Variants in PDE10A observed in about 807,000 individuals in gnomAD.
PDE10A encodes phosphodiesterase 10A.
PDE10A carries 39 observed loss-of-function variants against 97.7 expected under a neutral mutation model. The observed-to-expected ratio is 0.40, with a 90% confidence interval of 0.31 to 0.52. The LOEUF (loss-of-function observed/expected upper bound fraction) is 0.52, where lower values mean the gene tolerates loss of function less well. Among genes scored for constraint, PDE10A ranks in the 20% least tolerant of loss-of-function variants. PDE10A has a pLI of 0.56. For missense variants in PDE10A, 731 were observed against 1,047.8 expected (o/e 0.70, Z 4.17); for synonymous variants, 371 against 376.8 (o/e 0.98, Z 0.18).
intron 1 of PDE10A, among the ~76,000 whole-genome samples, chr6:165,900,938 C>T (rs1468003756): frequency 3.9e-5 from 6 of 152,148 alleles, no homozygotes; most frequent in Non-Finnish European, 7.4e-5. Flanking sequence ...TGTTTAAAAC[C>T]AGACCTGGGC....
At chr6:165,691,589 GCGCACACACACACACACA>G (rs1283294128) in intron 1 of PDE10A, among the ~76,000 whole-genome samples, 1 of 144,484 alleles carries the variant, frequency 6.9e-6, no homozygotes, top group Non-Finnish European at 1.5e-5. Context: ...ATGCACGCGC[GCGCACACACACACACACA>G]CACACACACA....
At chr6:165,407,916 CCAAT>C (rs1397536742) in intron 13 of PDE10A, among the ~76,000 whole-genome samples, 1 of 152,068 alleles carries the variant, frequency 6.6e-6, no homozygotes, top group African/African-American at 2.4e-5. Flanking sequence ...AGAGATGCTG[CCAAT>C]CAGAGACGTT....
chr6:165,704,233 T>C (rs1791650715), intron 1 of PDE10A, among the ~76,000 whole-genome samples: 1 of 152,058 alleles, frequency 6.6e-6, no homozygotes, highest in Admixed American at 6.6e-5. Context: ...GCTCACACAA[T>C]GGCAGCAGCT....
rs932809870 is a variant in PDE10A, at chr6:165,943,331, A to G, written c.-615+44198T>C. 5.1e-4 allele frequency among the ~76,000 whole-genome samples: 53 copies of G among 103,222 alleles called. 7 individuals are homozygous for G. Among genetic ancestry groups the G allele is most frequent in the African/African-American group, 2.6e-3 (47 of 18,250 alleles). The allele number at this position is 103,222 out of a possible 152,430, so 67.7% of individuals were successfully genotyped here. A position where few individuals can be genotyped will look rare whatever the true frequency, so the allele number is the denominator to read the frequency against. ...AGAAGGAAGGAAGGAAAGAAAGAAA[A>G]AGAAAGAAAGAAAAGAGAAAGAAAG... On this transcript the variant is annotated intron_variant, in intron 1 of 19. Transcript: ENST00000366882.
At chr6:165,473,771 G>T (rs1779144876) in intron 3 of PDE10A, among the ~76,000 whole-genome samples, 1 of 152,188 alleles carries the variant, frequency 6.6e-6, no homozygotes, top group Non-Finnish European at 1.5e-5. Context: ...CTAAAGAAAT[G>T]ATGGCTTTTA....
intron 2 of PDE10A, among the ~76,000 whole-genome samples, chr6:165,520,443 G>A (rs950593238): frequency 3.3e-5 from 5 of 152,100 alleles, no homozygotes; most frequent in African/African-American, 9.7e-5. Context: ...GAACTACTTC[G>A]TGCTTGACAG....
chr6:165,691,104 T>TCC (rs1164864284), intron 1 of PDE10A, among the ~76,000 whole-genome samples: 5 of 30,046 alleles, frequency 1.7e-4, no homozygotes, highest in Non-Finnish European at 3.0e-4. Flanking sequence ...TCTCTTTCTC[T>TCC]CTCCCCCCCC....
At chr6:165,979,198 G>A (rs1784935369) in intron 1 of PDE10A, among the ~76,000 whole-genome samples, 1 of 152,188 alleles carries the variant, frequency 6.6e-6, no homozygotes, top group South Asian at 2.1e-4. Flanking sequence ...GTTGGGAGCT[G>A]GAGCTGGGTA....
intron 1 of PDE10A, among the ~76,000 whole-genome samples, chr6:165,581,110 A>C (rs1175122926): frequency 1.3e-5 from 2 of 152,246 alleles, no homozygotes; most frequent in Non-Finnish European, 2.9e-5. Context: ...AGAGGTAAGA[A>C]AACCTGTCAA....
intron 1 of PDE10A, among the ~76,000 whole-genome samples, chr6:165,610,020 T>C (rs187718482): frequency 1.5e-3 from 231 of 152,296 alleles, no homozygotes; most frequent in African/African-American, 5.2e-3. Flanking sequence ...TTAAAGTTCA[T>C]ATGGAACCAA....
rs79952942 is a variant in PDE10A, at chr6:165,634,591, C to T, written c.865+27356G>A. ...CTGAAATGAAAAAGAAGAAAGCAAA[C>T]AAGAGGTAGGGAAGTAAAACAGAAG... On this transcript the variant is annotated intron_variant, in intron 1 of 21. Coordinates refer to ENST00000539869, the MANE Select transcript of PDE10A (RefSeq NM_001385079.1). Among the ~76,000 whole-genome samples, 1,202 of 151,992 alleles carry T rather than the reference C, an allele frequency of 7.9e-3. 19 individuals are homozygous for T. Among genetic ancestry groups the T allele is most frequent in the African/African-American group, 0.028 (1,153 of 41,452 alleles).
At chr6:165,367,914 G>A (rs1290519835) in intron 18 of PDE10A, among the ~76,000 whole-genome samples, 2 of 152,074 alleles carry the variant, frequency 1.3e-5, no homozygotes, top group Non-Finnish European at 2.9e-5. Context: ...GATAGAAGTT[G>A]GAAATTTGGA....
intron 1 of PDE10A, among the ~76,000 whole-genome samples, chr6:165,730,280 T>C (rs1792397884): frequency 1.3e-5 from 2 of 152,146 alleles, no homozygotes; most frequent in African/African-American, 2.4e-5. Flanking sequence ...TCCTCTGTCG[T>C]TTCTACTGAG....
chr6:165,604,112 C>A (rs1562621869), intron 1 of PDE10A, among the ~76,000 whole-genome samples: 2 of 152,170 alleles, frequency 1.3e-5, no homozygotes, highest in Non-Finnish European at 2.9e-5. Flanking sequence ...AAATTAGGTT[C>A]CATCCTAACA....
chr6:165,862,277 G>A (rs1019090190), intron 1 of PDE10A, among the ~76,000 whole-genome samples: 7 of 152,132 alleles, frequency 4.6e-5, no homozygotes, highest in Admixed American at 1.3e-4. Context: ...TGTTTTAAAC[G>A]TCACAAATTC....
chr6:165,646,118 G>A (rs1350401119), intron 1 of PDE10A, among the ~76,000 whole-genome samples: 2 of 152,174 alleles, frequency 1.3e-5, no homozygotes, highest in African/African-American at 4.8e-5. Context: ...GGCAGCATCA[G>A]GAACGCGAGG....
At chr6:165,511,482 G>T (rs611909) in intron 2 of PDE10A, among the ~76,000 whole-genome samples, 112,078 of 151,848 alleles carry the variant, frequency 0.74, 43,546 homozygotes, top group East Asian at 0.96. Flanking sequence ...GAGAAGAATG[G>T]GTATTCCACA....
intron 2 of PDE10A, among the ~76,000 whole-genome samples, chr6:165,526,361 A>G (rs1782446459): frequency 6.6e-6 from 1 of 152,204 alleles, no homozygotes; most frequent in Non-Finnish European, 1.5e-5. Context: ...CCCCAGTGTC[A>G]GAATGCACAA....
At chr6:165,668,558 A>G (rs1020755475) in intron 1 of PDE10A, among the ~76,000 whole-genome samples, 1 of 147,774 alleles carries the variant, frequency 6.8e-6, no homozygotes, top group Admixed American at 6.6e-5. Flanking sequence ...ATGCAGTTAC[A>G]GGAGAAAGAA....
Sources: allele counts gnomAD v4.1 joint callset (sites outside exome capture counted in the v4.1 genomes callset), GRCh38; gene constraint gnomAD v4.1.1; transcripts MANE v1.5; gene names NCBI Gene and HGNC (gene_info 2026-07-23, HGNC 2026-07-21).